Variants in FCHSD2 observed in about 807,000 individuals in gnomAD.
FCHSD2 encodes the protein F-BAR and double SH3 domains protein 2.
A neutral mutation model predicts 108.1 loss-of-function variants in FCHSD2; 38 were observed. The observed-to-expected ratio is 0.35, with a 90% CI of 0.27 to 0.46. The LOEUF (loss-of-function observed/expected upper bound fraction) is 0.46. FCHSD2 is among the 20% of genes least tolerant of loss of function. FCHSD2 has a pLI of 1.00. For synonymous variants in FCHSD2, 279 were observed against 314.7 expected, an observed-to-expected ratio of 0.89 and a Z score of 1.20; for missense variants, 751 against 897.8, an observed-to-expected ratio of 0.84 and a Z score of 2.09.
intron 3 of FCHSD2, among the ~76,000 whole-genome samples, chr11:73,082,335 C>CAAAAAAAAAAAAAAAAAAAAAAAAAAAA (rs750423401): frequency 5.8e-5 from 2 of 34,462 alleles, no homozygotes; most frequent in Non-Finnish European, 5.3e-5. Flanking sequence ...AGACTTGTCC[C>CAAAAAAAAAAAAAAAAAAAAAAAAAAAA]AAAAAAAAAA....
At chr11:72,964,772 T>C (rs967074253) in intron 8 of FCHSD2, among the ~76,000 whole-genome samples, 1 of 151,252 alleles carries the variant, frequency 6.6e-6, no homozygotes, top group African/African-American at 2.4e-5. Flanking sequence ...TCCAAACATG[T>C]AAATTTGATC....
Position 72,873,093 on chromosome 11 carries a change from G to A in FCHSD2, c.1147-5067C>T, listed in dbSNP as rs910489530. The stretch of plus-strand genomic sequence containing the variant: ...GCCTATAATCCCAGCACTTCGGGAG[G>A]CTGAGGCGGGCAGATCACCAGGTCA... On this transcript the variant is annotated intron_variant, in intron 12 of 19. Transcript: ENST00000409418. Among the ~76,000 whole-genome samples, 57 of 152,182 alleles carry A rather than the reference G, an allele frequency of 3.7e-4. 2 individuals are homozygous for A.
intron 3 of FCHSD2, among the ~76,000 whole-genome samples, chr11:73,064,256 G>A (rs895170264): frequency 1.8e-4 from 27 of 152,092 alleles, no homozygotes; most frequent in African/African-American, 5.5e-4. Flanking sequence ...AAGACACAAC[G>A]TGCCAGAATC....
chr11:73,019,078 C>A (rs1391688958), intron 3 of FCHSD2, among the ~76,000 whole-genome samples: 1 of 152,074 alleles, frequency 6.6e-6, no homozygotes, highest in Non-Finnish European at 1.5e-5. Flanking sequence ...AGGAAAAGAT[C>A]ATCTGGTATT....
chr11:73,108,124 T>C (rs769568949), intron 2 of FCHSD2, among the ~76,000 whole-genome samples: 1 of 152,212 alleles, frequency 6.6e-6, no homozygotes, highest in African/African-American at 2.4e-5. Flanking sequence ...TGGGGTAATA[T>C]CTCATTGTAG....
At chr11:72,873,188 A>G (rs11235609) in intron 12 of FCHSD2, among the ~76,000 whole-genome samples, 151,690 of 152,146 alleles carry the variant, frequency 1, 75,618 homozygotes, top group Middle Eastern at 1. Flanking sequence ...AATTAGCCGG[A>G]CACGGTGGCG....
chr11:73,134,007 A>G (rs1296377133), intron 2 of FCHSD2, among the ~76,000 whole-genome samples: 3 of 151,966 alleles, frequency 2.0e-5, no homozygotes, highest in African/African-American at 7.3e-5. Flanking sequence ...AAAAAGTTGA[A>G]TGGTACACTT....
chr11:73,089,153 A>C (rs1859894296), intron 2 of FCHSD2, among the ~76,000 whole-genome samples: 2 of 152,244 alleles, frequency 1.3e-5, no homozygotes, highest in African/African-American at 4.8e-5. Context: ...TCATATATAT[A>C]TCAAGAGAGC....
intron 3 of FCHSD2, among the ~76,000 whole-genome samples, chr11:73,083,111 GAATA>G (rs886502695): frequency 2.0e-5 from 3 of 152,000 alleles, no homozygotes; most frequent in Admixed American, 2.0e-4. Flanking sequence ...ATATAAAGAA[GAATA>G]AATCAACAAA....
intron 8 of FCHSD2, among the ~76,000 whole-genome samples, chr11:72,964,467 T>C (rs1216341335): frequency 1.3e-5 from 2 of 152,236 alleles, no homozygotes; most frequent in East Asian, 3.8e-4. Context: ...TTTGTGCTAC[T>C]ACCACACTGT....
At chr11:72,928,258 A>T (rs895982063) in intron 8 of FCHSD2, among the ~76,000 whole-genome samples, 2 of 151,966 alleles carry the variant, frequency 1.3e-5, no homozygotes, top group Admixed American at 6.6e-5. Context: ...ATTCCACAAA[A>T]TTTTTTTCAA....
chr11:73,088,892 C>T (rs1859888601), intron 2 of FCHSD2, among the ~76,000 whole-genome samples: 1 of 152,076 alleles, frequency 6.6e-6, no homozygotes. Flanking sequence ...ATTTTTTACC[C>T]TTTTAAGTTT....
chr11:73,065,264 T>C (rs1193270733), intron 3 of FCHSD2, among the ~76,000 whole-genome samples: 1 of 152,182 alleles, frequency 6.6e-6, no homozygotes, highest in Non-Finnish European at 1.5e-5. Flanking sequence ...AAAACACGAT[T>C]ATCTCAATAG....
At chr11:72,846,181 CTTTT>C (rs35708688) in intron 14 of FCHSD2, among the ~76,000 whole-genome samples, 10 of 137,112 alleles carry the variant, frequency 7.3e-5, no homozygotes, top group South Asian at 4.6e-4. Flanking sequence ...TCCTTTTGCT[CTTTT>C]TTTTTTTTTT....
At chr11:73,085,151 C>T (rs565265243) in intron 2 of FCHSD2, among the ~76,000 whole-genome samples, 28 of 152,230 alleles carry the variant, frequency 1.8e-4, no homozygotes, top group African/African-American at 6.5e-4. Context: ...AGAAGTTTCA[C>T]CTTAAACCTA....
intron 1 of FCHSD2, among the ~76,000 whole-genome samples, chr11:73,140,453 C>T (rs1261936319): frequency 2.0e-5 from 3 of 152,232 alleles, no homozygotes; most frequent in Admixed American, 6.5e-5. Context: ...AAGAGCCTGT[C>T]TTCTATTTCT....
chr11:72,956,017 A>G (rs567301100), intron 8 of FCHSD2, among the ~76,000 whole-genome samples: 1 of 152,332 alleles, frequency 6.6e-6, no homozygotes, highest in African/African-American at 2.4e-5. Context: ...GAAATAGTTG[A>G]TTCCAGAATT....
At chr11:73,015,069 C>A (rs144427542) in intron 4 of FCHSD2, among the ~76,000 whole-genome samples, 2 of 152,160 alleles carry the variant, frequency 1.3e-5, no homozygotes, top group African/African-American at 4.8e-5. Context: ...GTCTTGAACT[C>A]CTGATCTCAG....
At chr11:73,090,370 C>T (rs1414872379) in intron 2 of FCHSD2, among the ~76,000 whole-genome samples, 4 of 151,100 alleles carry the variant, frequency 2.6e-5, no homozygotes, top group South Asian at 2.1e-4. Context: ...GGACTACAGA[C>T]GCCCGCCACT....
Sources: allele counts gnomAD v4.1 joint callset (sites outside exome capture counted in the v4.1 genomes callset), GRCh38; gene constraint gnomAD v4.1.1; transcripts MANE v1.5; gene names NCBI Gene and HGNC (gene_info 2026-07-23, HGNC 2026-07-21).